SLK: variants seen among roughly 807,000 people sequenced by gnomAD.
The protein encoded by SLK is STE20 like kinase.
In SLK, 67 loss-of-function variants were observed where a neutral mutation model predicts 147.7. That is an observed-to-expected ratio of 0.45 (90% CI 0.37 to 0.56). The LOEUF is 0.56. SLK is among the 20% of genes least tolerant of loss of function. SLK has a pLI of 0.00. For synonymous variants in SLK, 441 were observed against 475.0 expected (o/e 0.93, Z 0.93); for missense variants, 1,136 against 1,438.8 (o/e 0.79, Z 3.41).
At position 104,002,466 on chromosome 10, in the gene SLK, C is replaced by T. The variant is rs1844262947; in HGVS notation, c.1288C>T (p.Leu430Phe). Residue 430 changes from leucine to phenylalanine, a missense_variant, in exon 9 of 19, where the codon CTT becomes TTT. This residue lies in a region of SLK where 516 missense variants were observed against 531.3 expected (regional missense o/e 0.97). Transcript: ENST00000369755. ...KENEREKRPK[L>F]ENLPDTEDQE... ...GAATGAAAGAGAGAAGAGGCCCAAG[C>T]TTGAAAATCTGCCTGACACAGAAGA... 6.2e-7 allele frequency: 1 copy of T among 1,613,868 alleles called. No homozygotes were observed. The highest frequency in any genetic ancestry group is 1.7e-5 in the Admixed American group (1 of 60,002).
intron 1 of SLK, 63 bp downstream of exon 1, chr10:103,967,958 G>A (rs1404281606): frequency 1.9e-6 from 3 of 1,540,032 alleles, no homozygotes; most frequent in Non-Finnish European, 2.7e-6. Context: ...CTGGAGTGGC[G>A]GGAGGACTTC....
chr10:103,978,826 C>T (rs1843903623), intron 1 of SLK, among the ~76,000 whole-genome samples: 1 of 152,082 alleles, frequency 6.6e-6, no homozygotes, highest in Non-Finnish European at 1.5e-5. Context: ...TAAATCAATG[C>T]TGAAATATTA....
intron 17 of SLK, 95 bp downstream of exon 17, chr10:104,020,708 C>CA: frequency 7.7e-7 from 1 of 1,299,658 alleles, no homozygotes; most frequent in Non-Finnish European, 1.1e-6. Context: ...TCAACTGCAT[C>CA]ATACACGAAC....
chr10:103,981,179 G>C (rs980784051), intron 1 of SLK, among the ~76,000 whole-genome samples: 1 of 139,146 alleles, frequency 7.2e-6, no homozygotes, highest in Non-Finnish European at 1.6e-5. Context: ...TGGGCTAGTT[G>C]TGGGTTTTTT....
chr10:104,021,553 A>T, intron 17 of SLK, 67 bp from the exon 18 acceptor site: 1 of 801,480 alleles, frequency 1.2e-6, no homozygotes, highest in South Asian at 1.5e-5. Flanking sequence ...ATTATGGAAG[A>T]TAATTGTATT....
At chr10:103,974,030 G>A (rs1843827790) in intron 1 of SLK, among the ~76,000 whole-genome samples, 1 of 152,032 alleles carries the variant, frequency 6.6e-6, no homozygotes, top group Non-Finnish European at 1.5e-5. Flanking sequence ...ATAGCCTTTA[G>A]GATTTTCTTT....
At chr10:103,970,126 GAAA>G (rs1393600284) in intron 1 of SLK, among the ~76,000 whole-genome samples, 2 of 152,176 alleles carry the variant, frequency 1.3e-5, no homozygotes, top group Non-Finnish European at 2.9e-5. Flanking sequence ...TGTGAGGATT[GAAA>G]AAGATAATAT....
At chr10:103,979,665 G>T (rs1007842814) in intron 1 of SLK, among the ~76,000 whole-genome samples, 1 of 151,984 alleles carries the variant, frequency 6.6e-6, no homozygotes, top group Non-Finnish European at 1.5e-5. Flanking sequence ...TGGCCATTTG[G>T]ATTTCCTGTT....
chr10:103,989,714 T>C (rs1390791047), intron 1 of SLK, among the ~76,000 whole-genome samples: 2 of 152,084 alleles, frequency 1.3e-5, no homozygotes, highest in Non-Finnish European at 2.9e-5. Context: ...GTGATCTGCC[T>C]GCCTCGGCCT....
chr10:103,994,486 G>A (rs1844140282), intron 4 of SLK, among the ~76,000 whole-genome samples: 1 of 151,996 alleles, frequency 6.6e-6, no homozygotes, highest in South Asian at 2.1e-4. Flanking sequence ...TAACTTACAG[G>A]CCTTCCCCCA....
Position 103,967,777 on chromosome 10 carries a change from A to G in SLK, c.32A>G (p.Lys11Arg), listed in dbSNP as rs202109385. 19 of 1,614,068 alleles carry G rather than the reference A, an allele frequency of 1.2e-5. No individual in the cohort carries two copies. The East Asian group carries it at 1.8e-4, about 15-fold the overall frequency. MSFFNFRKIFKLGSEKKKKQY... is the reference protein window; with the variant it reads MSFFNFRKIFRLGSEKKKKQY... ...TTCTTCAATTTCCGTAAGATCTTCA[A>G]GTTGGGGAGCGAGAAGAAGAAGAAG... Residue 11 changes from lysine to arginine, a missense_variant, in exon 1 of 19, where the codon AAG becomes AGG. Physicochemically the swap from Lys to Arg is conservative, Grantham distance 26 (BLOSUM62 2). Transcript: ENST00000369755.
intron 12 of SLK, among the ~76,000 whole-genome samples, 167 bp downstream of exon 12, chr10:104,008,523 A>G (rs1844359145): frequency 6.6e-6 from 1 of 152,204 alleles, no homozygotes; most frequent in Non-Finnish European, 1.5e-5. Flanking sequence ...CATAAGGTCA[A>G]TCATTATTCC....
At chr10:103,985,950 C>T (rs1376080577) in intron 1 of SLK, among the ~76,000 whole-genome samples, 1 of 152,122 alleles carries the variant, frequency 6.6e-6, no homozygotes, top group Non-Finnish European at 1.5e-5. Context: ...CCAAGCTCTA[C>T]TGATGATTCA....
At chr10:103,997,960 TTTAG>T (rs780120088) in intron 4 of SLK, among the ~76,000 whole-genome samples, 17 of 152,292 alleles carry the variant, frequency 1.1e-4, no homozygotes, top group Non-Finnish European at 2.4e-4. Context: ...TAAAATAATA[TTTAG>T]TTAGTTGACA....
intron 11 of SLK, among the ~76,000 whole-genome samples, chr10:104,007,328 G>A (rs987101698): frequency 2.0e-5 from 3 of 151,988 alleles, no homozygotes; most frequent in South Asian, 2.1e-4. Context: ...ATTTTGGGTC[G>A]GGCGCAGTGC....
At chr10:104,015,550 G>A (rs1844452348) in intron 13 of SLK, among the ~76,000 whole-genome samples, 2 of 152,198 alleles carry the variant, frequency 1.3e-5, no homozygotes, top group Non-Finnish European at 2.9e-5. Context: ...CTGAGACCAA[G>A]ACTGTTGATA....
chr10:104,008,442 A>G, intron 12 of SLK, 86 bp downstream of exon 12: 1 of 878,934 alleles, frequency 1.1e-6, no homozygotes. Context: ...AGGAATACTA[A>G]TAATACTTGA....
At chr10:104,014,292 A>G (rs1405664252) in intron 13 of SLK, among the ~76,000 whole-genome samples, 1 of 152,252 alleles carries the variant, frequency 6.6e-6, no homozygotes, top group Non-Finnish European at 1.5e-5. Context: ...CAAGTAGTCA[A>G]TAATGAATAG....
At chr10:104,015,377 A>G (rs1361657750) in intron 13 of SLK, among the ~76,000 whole-genome samples, 1 of 152,194 alleles carries the variant, frequency 6.6e-6, no homozygotes, top group Non-Finnish European at 1.5e-5. Context: ...TTTACCCTTT[A>G]GGAGTTAGCT....
Sources: gnomAD v4.1 joint callset for allele counts (sites outside exome capture counted in the v4.1 genomes callset) on GRCh38, gnomAD v4.1.1 for gene constraint, gnomAD v4.1.1 regional missense constraint, MANE v1.5 for transcripts, NCBI Gene and HGNC (gene_info 2026-07-23, HGNC 2026-07-21) for gene names.